The following ARHGAP15 variants were observed in gnomAD, a reference collection of about 807,000 sequenced individuals.
ARHGAP15 encodes the protein Rho GTPase activating protein 15.
A neutral mutation model predicts 63.7 loss-of-function variants in ARHGAP15; 51 were observed. The ratio of observed to expected loss-of-function variants is 0.80; its 90% CI spans 0.64 to 1.01. ARHGAP15 has a LOEUF of 1.01. Among genes scored for constraint, ARHGAP15 ranks in the 50% least tolerant of loss-of-function variants. ARHGAP15 has a pLI of 0.00. For missense variants in ARHGAP15, 560 were observed against 564.6 expected (o/e 0.99, Z 0.08); for synonymous variants, 191 against 193.8 (o/e 0.99, Z 0.12).
intron 12 of ARHGAP15, among the ~76,000 whole-genome samples, chr2:143,637,260 A>G (rs897444437): frequency 6.6e-6 from 1 of 152,142 alleles, no homozygotes; most frequent in African/African-American, 2.4e-5. Context: ...GCTTCCTCCT[A>G]TATTCTCACA....
intron 1 of ARHGAP15, among the ~76,000 whole-genome samples, chr2:143,129,865 CA>C (rs1280330752): frequency 6.6e-6 from 1 of 152,016 alleles, no homozygotes; most frequent in African/African-American, 2.4e-5. Flanking sequence ...AAGGGTATAA[CA>C]ATGAGAAATA....
At position 143,673,760 on chromosome 2, in the gene ARHGAP15, A is replaced by G. The variant is rs867886930; in HGVS notation, c.1139-29659A>G. Among the ~76,000 whole-genome samples, 261 of 56,828 alleles carry G rather than the reference A, an allele frequency of 4.6e-3. 3 individuals are homozygous for G. The highest frequency in any genetic ancestry group is 0.015 in the African/African-American group (233 of 15,784). 37.3% of individuals were successfully genotyped at this position (56,828 alleles called of 152,430 possible). A position where few individuals can be genotyped will look rare whatever the true frequency, so the allele number is the denominator to read the frequency against. On this transcript the variant is annotated intron_variant, in intron 12 of 13. Transcript: ENST00000295095. ...TGTGTGTGTGTGTGTGTGTGTGTGT[A>G]TATATATATATATATATATATATAA... is the stretch of plus-strand genomic sequence containing the variant.
At chr2:143,328,410 A>T (rs1300436833) in intron 6 of ARHGAP15, among the ~76,000 whole-genome samples, 1 of 152,244 alleles carries the variant, frequency 6.6e-6, no homozygotes, top group African/African-American at 2.4e-5. Context: ...CTATGCCACC[A>T]TAAAAAAGGA....
chr2:143,266,669 C>A (rs1681014298), intron 6 of ARHGAP15, among the ~76,000 whole-genome samples: 1 of 152,016 alleles, frequency 6.6e-6, no homozygotes, highest in Admixed American at 6.6e-5. Context: ...AGATAGAGTT[C>A]TCCTTAAATT....
At chr2:143,742,501 C>T (rs892924002) in intron 13 of ARHGAP15, among the ~76,000 whole-genome samples, 5 of 152,078 alleles carry the variant, frequency 3.3e-5, no homozygotes, top group South Asian at 2.1e-4. Flanking sequence ...AGGAAAGAAT[C>T]GGTAAAGAAA....
chr2:143,588,203 C>T (rs1697183978), intron 11 of ARHGAP15, among the ~76,000 whole-genome samples: 1 of 152,120 alleles, frequency 6.6e-6, no homozygotes, highest in African/African-American at 2.4e-5. Flanking sequence ...AACTTTCTTC[C>T]CTTTACTACA....
intron 13 of ARHGAP15, among the ~76,000 whole-genome samples, chr2:143,763,294 T>G (rs1686829493): frequency 6.6e-6 from 1 of 152,116 alleles, no homozygotes; most frequent in Non-Finnish European, 1.5e-5. Context: ...ACTTAACTAT[T>G]TAGGAGTCCA....
At chr2:143,726,309 A>C (rs1298370705) in intron 13 of ARHGAP15, among the ~76,000 whole-genome samples, 1 of 152,240 alleles carries the variant, frequency 6.6e-6, no homozygotes, top group Non-Finnish European at 1.5e-5. Flanking sequence ...TCACAGCAGA[A>C]TGACCTACTT....
chr2:143,469,724 C>G (rs755484716), intron 8 of ARHGAP15, among the ~76,000 whole-genome samples: 55 of 152,196 alleles, frequency 3.6e-4, no homozygotes, highest in Non-Finnish European at 6.9e-4. Flanking sequence ...ATCTCATTAA[C>G]AAATTTTATA....
chr2:143,523,501 A>T (rs1442078860), intron 10 of ARHGAP15, among the ~76,000 whole-genome samples: 1 of 152,042 alleles, frequency 6.6e-6, no homozygotes, highest in East Asian at 1.9e-4. Context: ...TTGGTGTGAG[A>T]TCTAAAAGGA....
chr2:143,535,120 G>A (rs973594706), intron 10 of ARHGAP15, among the ~76,000 whole-genome samples: 4 of 151,860 alleles, frequency 2.6e-5, no homozygotes, highest in African/African-American at 9.7e-5. Context: ...AAATTTCTAA[G>A]TACAGTAATA....
chr2:143,696,020 GAAGTT>G (rs1683829781), intron 12 of ARHGAP15, among the ~76,000 whole-genome samples: 1 of 152,108 alleles, frequency 6.6e-6, no homozygotes, highest in African/African-American at 2.4e-5. Context: ...AATGTATCAA[GAAGTT>G]AAGCATAATA....
intron 6 of ARHGAP15, among the ~76,000 whole-genome samples, chr2:143,360,782 G>C (rs1025904401): frequency 2.0e-5 from 3 of 152,156 alleles, no homozygotes; most frequent in Non-Finnish European, 4.4e-5. Flanking sequence ...CACAATACAG[G>C]TGATATCTCC....
intron 6 of ARHGAP15, among the ~76,000 whole-genome samples, chr2:143,381,369 G>A (rs1687045876): frequency 6.6e-6 from 1 of 151,926 alleles, no homozygotes; most frequent in South Asian, 2.1e-4. Flanking sequence ...ATATTAAATT[G>A]TCTTAATCCT....
chr2:143,353,582 G>A (rs1436887094), intron 6 of ARHGAP15, among the ~76,000 whole-genome samples: 1 of 152,050 alleles, frequency 6.6e-6, no homozygotes, highest in Non-Finnish European at 1.5e-5. Flanking sequence ...AAATGAACCT[G>A]TGTCCGAATT....
chr2:143,742,614 G>T (rs147457768), intron 13 of ARHGAP15, among the ~76,000 whole-genome samples: 3 of 152,202 alleles, frequency 2.0e-5, no homozygotes, highest in African/African-American at 4.8e-5. Context: ...TTTACAAAAC[G>T]ATTCCAATCT....
intron 13 of ARHGAP15, among the ~76,000 whole-genome samples, chr2:143,709,296 T>C (rs543727672): frequency 3.2e-4 from 49 of 152,368 alleles, no homozygotes; most frequent in African/African-American, 1.1e-3. Flanking sequence ...GTACACATTA[T>C]GCATGCACAC....
chr2:143,390,680 T>G (rs937117878), intron 6 of ARHGAP15, among the ~76,000 whole-genome samples: 3 of 151,102 alleles, frequency 2.0e-5, no homozygotes, highest in Non-Finnish European at 4.4e-5. Flanking sequence ...ACACAAAGCT[T>G]GCAGATCCCC....
In ARHGAP15 at chr2:143,381,879, C is replaced by A. The variant is rs563666656; in HGVS notation, c.475-53722C>A. Among the ~76,000 whole-genome samples the A allele has an allele frequency of 4.6e-5, 7 of 151,884 alleles. No individual in the cohort carries two copies. The South Asian group carries it at 6.2e-4, about 13-fold the overall frequency. The stretch of plus-strand genomic sequence containing the variant: ...AAAAAAGCATAAAGGGGAGGAGGTA[C>A]AAATAAGAGGTGATTTTCAAACTTA... On this transcript the variant is annotated intron_variant, in intron 6 of 13. Coordinates refer to ENST00000295095, the MANE Select transcript of ARHGAP15 (RefSeq NM_018460.4).
Sources: allele counts gnomAD v4.1 joint callset (sites outside exome capture counted in the v4.1 genomes callset), GRCh38; gene constraint gnomAD v4.1.1; transcripts MANE v1.5; gene names NCBI Gene and HGNC (gene_info 2026-07-23, HGNC 2026-07-21).